The following FA2H variants were observed in gnomAD, a reference collection of about 807,000 sequenced individuals.
The protein encoded by FA2H is fatty acid alpha-hydroxylase.
FA2H carries 22 observed loss-of-function variants against 44.9 expected under a neutral mutation model. The observed-to-expected ratio is 0.49, with a 90% CI of 0.35 to 0.70. FA2H has a LOEUF of 0.70. FA2H is among the 30% of genes least tolerant of loss of function. FA2H has a pLI of 0.01. For missense variants in FA2H, 501 were observed against 504.9 expected, an observed-to-expected ratio of 0.99 and a Z score of 0.07; for synonymous variants, 243 against 213.2, an observed-to-expected ratio of 1.14 and a Z score of -1.22.
chr16:74,764,105 T>C (rs1248192763), intron 1 of FA2H, among the ~76,000 whole-genome samples: 1 of 152,226 alleles, frequency 6.6e-6, no homozygotes, highest in African/African-American at 2.4e-5. Context: ...TCGAATTTTG[T>C]TGTTGTGGCT....
chr16:74,748,673 G>C (rs1457637733), intron 1 of FA2H, among the ~76,000 whole-genome samples: 1 of 152,054 alleles, frequency 6.6e-6, no homozygotes, highest in Admixed American at 6.5e-5. Flanking sequence ...GCGCACGGGG[G>C]AGAGAACAGA....
intron 1 of FA2H, among the ~76,000 whole-genome samples, chr16:74,747,800 AAT>A (rs1962453944): frequency 6.6e-6 from 1 of 152,134 alleles, no homozygotes; most frequent in Non-Finnish European, 1.5e-5. Flanking sequence ...GCTGCGAGAC[AAT>A]ACATTTCTGT....
At chr16:74,745,079 G>C (rs1962393679) in intron 1 of FA2H, among the ~76,000 whole-genome samples, 1 of 152,176 alleles carries the variant, frequency 6.6e-6, no homozygotes, top group South Asian at 2.1e-4. Flanking sequence ...CTGTCCCAGG[G>C]CAACAGTCTG....
chr16:74,744,037 G>T (rs1250692996), intron 1 of FA2H, among the ~76,000 whole-genome samples: 1 of 152,208 alleles, frequency 6.6e-6, no homozygotes, highest in African/African-American at 2.4e-5. Flanking sequence ...CCCTTCTGAA[G>T]AAGGTCTCCC....
At chr16:74,774,392 G>C in intron 1 of FA2H, 94 bp downstream of exon 1, 1 of 1,249,560 alleles carries the variant, frequency 8.0e-7, no homozygotes, top group Non-Finnish European at 1.1e-6. Context: ...CTGTCACCTT[G>C]GGTCCTGCTA....
chr16:74,718,970 G>T lies in FA2H; in HGVS notation c.786+18C>A. 1 of 1,612,716 alleles carries T rather than the reference G, an allele frequency of 6.2e-7. No homozygotes were observed. Among genetic ancestry groups the T allele is most frequent in the Non-Finnish European group, 8.5e-7 (1 of 1,179,980 alleles). On this transcript the variant is annotated intron_variant, in intron 5 of 6. Transcript: ENST00000219368. ...GGCTGCACATGCTAGGTCCGGGCTG[G>T]GACCCCGCCCCGCTCACCTTGTGGT...
At chr16:74,757,260 C>G (rs1962628378) in intron 1 of FA2H, among the ~76,000 whole-genome samples, 1 of 152,120 alleles carries the variant, frequency 6.6e-6, no homozygotes. Flanking sequence ...TCAGAACCTC[C>G]CTTATCCTTC....
intron 2 of FA2H, among the ~76,000 whole-genome samples, chr16:74,739,751 ATTC>A (rs1189013368): frequency 5.9e-5 from 9 of 152,132 alleles, no homozygotes. Flanking sequence ...TGGCGGGAGA[ATTC>A]TTCTTCTCCA....
intron 1 of FA2H, among the ~76,000 whole-genome samples, chr16:74,763,084 C>T (rs1962742671): frequency 6.6e-6 from 1 of 152,154 alleles, no homozygotes; most frequent in African/African-American, 2.4e-5. Context: ...CTCCTTATTC[C>T]TCCACAACAG....
chr16:74,754,584 T>TGG (rs1962581494), intron 1 of FA2H, among the ~76,000 whole-genome samples: 1 of 151,844 alleles, frequency 6.6e-6, no homozygotes, highest in African/African-American at 2.4e-5. Flanking sequence ...CTGGAATGCA[T>TGG]TGACGTGATC....
At chr16:74,717,692 C>A (rs1294703886) in intron 5 of FA2H, among the ~76,000 whole-genome samples, 3 of 152,194 alleles carry the variant, frequency 2.0e-5, no homozygotes, top group African/African-American at 4.8e-5. Context: ...TGGCTACAGG[C>A]CATACAGTCT....
chr16:74,737,460 G>A (rs192754012), intron 2 of FA2H, among the ~76,000 whole-genome samples: 88 of 152,292 alleles, frequency 5.8e-4, no homozygotes, highest in African/African-American at 1.9e-3. Context: ...CCTCACCTCT[G>A]AGCAGAGCGG....
intron 4 of FA2H, among the ~76,000 whole-genome samples, chr16:74,723,007 T>C (rs1961873298): frequency 6.6e-6 from 1 of 152,226 alleles, no homozygotes; most frequent in Non-Finnish European, 1.5e-5. Flanking sequence ...TCTAAGCATA[T>C]TTTTTAGTCC....
rs577287685 is a variant in FA2H at position 74,761,622 on chromosome 16, T to C, written c.270+12864A>G. Among the ~76,000 whole-genome samples, 209 of 152,328 alleles carry C rather than the reference T, an allele frequency of 1.4e-3. 8 individuals are homozygous for C. In the South Asian group the frequency reaches 0.041, roughly 30 times the overall value. ...ACAGCAAAAATCATGTAGATATTTA[T>C]GAGTCAGTTGTTTAATAAATTTGGC... On this transcript the variant is annotated intron_variant, in intron 1 of 6. Transcript: ENST00000219368.
rs569701018 is a variant in FA2H at position 74,764,793 on chromosome 16, T to C, written c.270+9693A>G. On this transcript the variant is annotated intron_variant, in intron 1 of 6. Coordinates refer to ENST00000219368, the MANE Select transcript of FA2H (RefSeq NM_024306.5). ...ACCACTGTTCTGAGTCTATGTGCTT[T>C]AGAGAATTTTGCATGAAAAGACACC... is the stretch of plus-strand genomic sequence containing the variant. Among the ~76,000 whole-genome samples the C allele has an allele frequency of 1.3e-4, 20 of 151,084 alleles. 1 individual carries two copies. The highest frequency in any genetic ancestry group is 1.2e-3 in the East Asian group (6 of 5,160).
intron 1 of FA2H, among the ~76,000 whole-genome samples, chr16:74,743,647 G>A (rs937320842): frequency 6.6e-6 from 1 of 152,238 alleles, no homozygotes; most frequent in African/African-American, 2.4e-5. Flanking sequence ...GGGGAAGGGG[G>A]TCGGCATGGC....
At chr16:74,766,338 A>G (rs1272000737) in intron 1 of FA2H, among the ~76,000 whole-genome samples, 1 of 152,096 alleles carries the variant, frequency 6.6e-6, no homozygotes, top group East Asian at 1.9e-4. Flanking sequence ...GAATGCTGTA[A>G]GATAGGTTCA....
intron 1 of FA2H, among the ~76,000 whole-genome samples, chr16:74,772,894 T>C (rs985171980): frequency 1.1e-4 from 16 of 152,178 alleles, no homozygotes; most frequent in African/African-American, 3.6e-4. Context: ...TTATCTTTTT[T>C]TTTTTGAGGT....
chr16:74,766,797 C>T (rs546739305), intron 1 of FA2H, among the ~76,000 whole-genome samples: 3 of 152,192 alleles, frequency 2.0e-5, no homozygotes, highest in East Asian at 3.9e-4. Context: ...TCAATAATAC[C>T]CCAGACATAA....
Sources: allele counts gnomAD v4.1 joint callset (sites outside exome capture counted in the v4.1 genomes callset), GRCh38; gene constraint gnomAD v4.1.1; transcripts MANE v1.5; gene names NCBI Gene and HGNC (gene_info 2026-07-23, HGNC 2026-07-21).